The following CHIC1 variants were observed in gnomAD, a reference collection of about 807,000 sequenced individuals.
CHIC1 encodes cysteine rich hydrophobic domain 1.
CHIC1 carries 7 observed loss-of-function variants against 18.5 expected under a neutral mutation model. That is an observed-to-expected ratio of 0.38 (90% CI 0.22 to 0.71). CHIC1 has a LOEUF of 0.71. Ranked by LOEUF, CHIC1 falls within the 30% of genes least tolerant of loss-of-function variation. CHIC1 has a pLI of 0.49. For synonymous variants in CHIC1, 77 were observed against 73.5 expected (o/e 1.05, Z -0.25); for missense variants, 159 against 176.9 (o/e 0.90, Z 0.57).
chrX:73,613,883 A>G (rs1230966227), intron 3 of CHIC1, among the ~76,000 whole-genome samples: 1 of 99,826 alleles, frequency 1.0e-5, no homozygotes, highest in Non-Finnish European at 2.0e-5. Flanking sequence ...CCATCCATCC[A>G]TCTGTTGTGC....
chrX:73,670,799 T>C (rs966559924), intron 3 of CHIC1, among the ~76,000 whole-genome samples: 1 of 111,779 alleles, frequency 8.9e-6, no homozygotes, highest in Non-Finnish European at 1.9e-5. Flanking sequence ...CATTATTTAA[T>C]TTCCATGTAT....
At chrX:73,570,162 C>CTGT (rs1387301848) in intron 1 of CHIC1, among the ~76,000 whole-genome samples, 1 of 111,411 alleles carries the variant, frequency 9.0e-6, no homozygotes, top group Non-Finnish European at 1.9e-5. Context: ...ATTTTGTTAA[C>CTGT]TGTTGAATTG....
intron 3 of CHIC1, among the ~76,000 whole-genome samples, chrX:73,660,710 G>A (rs927536291): frequency 9.0e-6 from 1 of 110,844 alleles, no homozygotes; most frequent in African/African-American, 3.3e-5. Context: ...TTCTGGTACC[G>A]GGTTGGGTCC....
chrX:73,647,774 G>A (rs1046678237), intron 3 of CHIC1, among the ~76,000 whole-genome samples: 1 of 112,455 alleles, frequency 8.9e-6, no homozygotes, highest in African/African-American at 3.2e-5. Flanking sequence ...AGCAGACTTA[G>A]CCTTTCCTCC....
intron 3 of CHIC1, among the ~76,000 whole-genome samples, chrX:73,632,735 T>C (rs2057813058): frequency 9.2e-6 from 1 of 108,979 alleles, no homozygotes; most frequent in Non-Finnish European, 1.9e-5. Context: ...AGAGATGTGA[T>C]TTTAACCACC....
intron 1 of CHIC1, among the ~76,000 whole-genome samples, chrX:73,577,120 G>T (rs1180700749): frequency 2.7e-5 from 3 of 110,505 alleles, no homozygotes; most frequent in African/African-American, 6.5e-5. Context: ...GACACTTCCA[G>T]CTCAATATGT....
chrX:73,603,149 G>A (rs1417236012), intron 3 of CHIC1, among the ~76,000 whole-genome samples: 3 of 108,436 alleles, frequency 2.8e-5, no homozygotes, highest in Non-Finnish European at 5.7e-5. Context: ...TTATGAGCAT[G>A]GAATGTTTTT....
rs5982472 is a variant in CHIC1 at position 73,681,063 on chromosome X, A to G, written c.*58A>G. The G allele has an allele frequency of 2.9e-6, 2 of 687,225 alleles. No homozygotes were observed. Among genetic ancestry groups the G allele is most frequent in the Non-Finnish European group, 4.4e-6 (2 of 454,118 alleles). The allele number at this position is 687,225 out of a possible 1,213,427, so 56.6% of individuals were successfully genotyped here. ...TCATTTCCTACCCTTAGTGCCTTGT[A>G]GATTTGGAATGAAGATGGTCTCCTT... On this transcript the variant is annotated 3_prime_UTR_variant, in exon 6 of 6. Coordinates refer to ENST00000373502, the MANE Select transcript of CHIC1 (RefSeq NM_001039840.4).
intron 3 of CHIC1, among the ~76,000 whole-genome samples, chrX:73,604,660 C>G (rs1478574265): frequency 9.2e-6 from 1 of 109,015 alleles, no homozygotes; most frequent in Non-Finnish European, 1.9e-5. Context: ...AAATTTTCCT[C>G]TAAACACTGC....
intron 3 of CHIC1, among the ~76,000 whole-genome samples, chrX:73,628,341 A>G (rs774675200): frequency 5.8e-4 from 65 of 111,649 alleles, no homozygotes; most frequent in South Asian, 1.5e-3. Context: ...TTCTGGGACT[A>G]TTTCAGCACT....
intron 3 of CHIC1, among the ~76,000 whole-genome samples, chrX:73,674,437 C>T (rs2058050420): frequency 8.9e-6 from 1 of 111,803 alleles, no homozygotes; most frequent in African/African-American, 3.3e-5. Flanking sequence ...TTCAGAGATT[C>T]AACTTCTTCC....
intron 3 of CHIC1, among the ~76,000 whole-genome samples, chrX:73,628,821 C>T (rs1398580484): frequency 9.0e-6 from 1 of 111,259 alleles, no homozygotes; most frequent in Non-Finnish European, 1.9e-5. Context: ...AACTATCTAT[C>T]CTTGTGGGGG....
intron 3 of CHIC1, among the ~76,000 whole-genome samples, chrX:73,651,731 A>G (rs1262469254): frequency 9.0e-6 from 1 of 111,534 alleles, no homozygotes; most frequent in Non-Finnish European, 1.9e-5. Context: ...GCTCAAGGAA[A>G]TAAGAGAGGA....
chrX:73,661,694 G>T (rs1393855124), intron 3 of CHIC1, among the ~76,000 whole-genome samples: 1 of 111,572 alleles, frequency 9.0e-6, no homozygotes. Flanking sequence ...GCTGTTTCAA[G>T]GTTCTGCAGT....
At chrX:73,645,814 T>C (rs2057886582) in intron 3 of CHIC1, among the ~76,000 whole-genome samples, 2 of 111,670 alleles carry the variant, frequency 1.8e-5, no homozygotes, top group Admixed American at 9.5e-5. Context: ...GTCAGATGTA[T>C]GGTTTGCAAA....
At chrX:73,602,420 T>A (rs2057655805) in intron 3 of CHIC1, among the ~76,000 whole-genome samples, 1 of 109,022 alleles carries the variant, frequency 9.2e-6, no homozygotes, top group South Asian at 3.7e-4. Context: ...GATTAGCCCT[T>A]TTTCAGATGG....
intron 1 of CHIC1, among the ~76,000 whole-genome samples, chrX:73,568,525 T>G (rs894301415): frequency 2.3e-4 from 26 of 111,732 alleles, no homozygotes; most frequent in Middle Eastern, 9.4e-3. Flanking sequence ...ATTATACATC[T>G]GAATAATATA....
intron 3 of CHIC1, among the ~76,000 whole-genome samples, chrX:73,629,630 C>G (rs1282311593): frequency 9.0e-6 from 1 of 111,328 alleles, no homozygotes; most frequent in Non-Finnish European, 1.9e-5. Context: ...GAGTTTATTT[C>G]TGGGCTCTGT....
In CHIC1 at chrX:73,643,779, T is replaced by C. The variant is rs992004839; in HGVS notation, c.508-35547T>C. ...TTGGTATCCATTCATCTAATTTTTT[T>C]TCAAAGTTTTTAACTTCTTTGCCTT... is the stretch of plus-strand genomic sequence containing the variant. On this transcript the variant is annotated intron_variant, in intron 3 of 5. Transcript: ENST00000373502. Among the ~76,000 whole-genome samples, 98 of 111,809 alleles carry C rather than the reference T, an allele frequency of 8.8e-4. 1 individual carries two copies. Among genetic ancestry groups the C allele is most frequent in the Non-Finnish European group, 1.5e-3 (82 of 53,182 alleles).
Sources: allele counts gnomAD v4.1 joint callset (sites outside exome capture counted in the v4.1 genomes callset), GRCh38; gene constraint gnomAD v4.1.1; transcripts MANE v1.5; gene names NCBI Gene and HGNC (gene_info 2026-07-23, HGNC 2026-07-21).